PPP2R2B: variants seen among roughly 807,000 people sequenced by gnomAD.
The protein encoded by PPP2R2B is serine/threonine-protein phosphatase 2A 55 kDa regulatory subunit B beta isoform.
In PPP2R2B, 5 loss-of-function variants were observed where a neutral mutation model predicts 46.0. That is an observed-to-expected ratio of 0.11 (90% CI 0.06 to 0.23). The LOEUF (loss-of-function observed/expected upper bound fraction) is 0.23. PPP2R2B is among the 10% of genes least tolerant of loss of function. The probability of loss-of-function intolerance (pLI) is 1.00; values close to 1 mark genes in which losing one functional copy is unlikely to be tolerated. For synonymous variants in PPP2R2B, 215 were observed against 206.7 expected, an observed-to-expected ratio of 1.04 and a Z score of -0.34; for missense variants, 367 against 575.0, an observed-to-expected ratio of 0.64 and a Z score of 3.70.
At chr5:146,767,152 T>C (rs1199425571) in intron 2 of PPP2R2B, among the ~76,000 whole-genome samples, 1 of 150,698 alleles carries the variant, frequency 6.6e-6, no homozygotes, top group Non-Finnish European at 1.5e-5. Context: ...CTTCACTAAA[T>C]GTTTAGGCCA....
chr5:146,937,410 C>T (rs956786025), intron 1 of PPP2R2B, among the ~76,000 whole-genome samples: 3 of 152,040 alleles, frequency 2.0e-5, no homozygotes, highest in South Asian at 2.1e-4. Context: ...CTTTATGTCA[C>T]GCTACCTCCA....
At chr5:146,892,388 C>G (rs1762516528) in intron 1 of PPP2R2B, among the ~76,000 whole-genome samples, 1 of 152,184 alleles carries the variant, frequency 6.6e-6, no homozygotes, top group African/African-American at 2.4e-5. Flanking sequence ...TTCCTGTAAA[C>G]CCTTCCCTAG....
intron 1 of PPP2R2B, among the ~76,000 whole-genome samples, chr5:146,906,384 G>C (rs966623390): frequency 6.6e-6 from 1 of 152,070 alleles, no homozygotes; most frequent in East Asian, 1.9e-4. Context: ...GTGCAATGGC[G>C]CGATCTCGGC....
chr5:146,671,575 T>A (rs561066856), intron 5 of PPP2R2B, among the ~76,000 whole-genome samples: 2 of 152,330 alleles, frequency 1.3e-5, no homozygotes, highest in African/African-American at 4.8e-5. Flanking sequence ...TGCCACTCCA[T>A]CAAACACATT....
chr5:146,869,558 A>C (rs866682505), intron 2 of PPP2R2B, among the ~76,000 whole-genome samples: 13 of 152,212 alleles, frequency 8.5e-5, no homozygotes, highest in Admixed American at 2.6e-4. Context: ...GTACTCATTT[A>C]TGCAAACATC....
chr5:146,788,112 T>C (rs2151290960), intron 2 of PPP2R2B, among the ~76,000 whole-genome samples: 1 of 152,250 alleles, frequency 6.6e-6, no homozygotes, highest in South Asian at 2.1e-4. Flanking sequence ...TGCCGTTGTG[T>C]GAGCATTTGC....
chr5:146,938,416 C>A (rs936203762), intron 1 of PPP2R2B, among the ~76,000 whole-genome samples: 13 of 147,086 alleles, frequency 8.8e-5, no homozygotes, highest in African/African-American at 3.4e-4. Context: ...ATTTGCCCAA[C>A]AACCTAAGCC....
intron 2 of PPP2R2B, among the ~76,000 whole-genome samples, chr5:146,767,979 T>C (rs952633911): frequency 6.6e-6 from 1 of 152,176 alleles, no homozygotes; most frequent in Non-Finnish European, 1.5e-5. Flanking sequence ...TTTAAAACAA[T>C]TACCTGAGGT....
chr5:146,821,150 A>G (rs921297591), intron 2 of PPP2R2B, among the ~76,000 whole-genome samples: 2 of 152,072 alleles, frequency 1.3e-5, no homozygotes, highest in Non-Finnish European at 2.9e-5. Flanking sequence ...CACACACAAT[A>G]CACAATCTCC....
intron 2 of PPP2R2B, among the ~76,000 whole-genome samples, chr5:146,877,373 G>A (rs1460774399): frequency 6.6e-6 from 1 of 152,036 alleles, no homozygotes; most frequent in Non-Finnish European, 1.5e-5. Context: ...ATTTTTAAAG[G>A]CCCCACCGAT....
At chr5:147,059,143 A>G (rs1757180804), upstream of PPP2R2B, among the ~76,000 whole-genome samples, 2 of 152,188 alleles carry the variant, frequency 1.3e-5, no homozygotes, top group African/African-American at 4.8e-5. Flanking sequence ...GATATGAGAT[A>G]CCACCCCTGC....
At chr5:147,013,014 C>T (rs1362942509) in intron 1 of PPP2R2B, among the ~76,000 whole-genome samples, 9 of 151,726 alleles carry the variant, frequency 5.9e-5, no homozygotes, top group African/African-American at 1.7e-4. Flanking sequence ...TCTCCTTAAG[C>T]TGATAAGCAA....
rs149190051 is a variant in PPP2R2B, at chr5:146,956,950, A to G, written c.79+98715T>C. Among the ~76,000 whole-genome samples, 28 of 152,284 alleles carry G rather than the reference A, an allele frequency of 1.8e-4. No homozygotes were observed. In the East Asian group the frequency reaches 5.2e-3, roughly 28 times the overall value. On this transcript the variant is annotated intron_variant, in intron 1 of 8. Coordinates refer to the PPP2R2B transcript ENST00000336640. Reference sequence around the variant, plus strand: ...TCTTCATGGCCTCATCACCTCCCAAAGGTCCATCTCTTAATACCATCGCTT... The same window carrying G: ...TCTTCATGGCCTCATCACCTCCCAAGGGTCCATCTCTTAATACCATCGCTT...
At chr5:146,641,695 C>A (rs187967204) in intron 6 of PPP2R2B, among the ~76,000 whole-genome samples, 1 of 152,030 alleles carries the variant, frequency 6.6e-6, no homozygotes, top group East Asian at 1.9e-4. Context: ...CTCTAGAAAC[C>A]CAGGCATTTT....
intron 1 of PPP2R2B, among the ~76,000 whole-genome samples, chr5:146,941,518 T>C (rs1346780019): frequency 1.3e-5 from 2 of 152,060 alleles, no homozygotes; most frequent in African/African-American, 4.8e-5. Flanking sequence ...TGCTTAGGGG[T>C]GTGTTCAGAA....
chr5:146,687,929 G>C (rs987496522), intron 5 of PPP2R2B, among the ~76,000 whole-genome samples: 9 of 152,090 alleles, frequency 5.9e-5, no homozygotes, highest in Admixed American at 4.6e-4. Context: ...ACAGGGAAGG[G>C]AAAAAAAGAC....
chr5:146,965,492 C>T (rs900441482), intron 1 of PPP2R2B, among the ~76,000 whole-genome samples: 1 of 151,954 alleles, frequency 6.6e-6, no homozygotes, highest in Admixed American at 6.6e-5. Context: ...TTTTTTAATC[C>T]GTGAAAAAGA....
chr5:146,912,505 CTTTTTTCTT>C (rs1298402928), intron 1 of PPP2R2B, among the ~76,000 whole-genome samples: 2 of 110,502 alleles, frequency 1.8e-5, no homozygotes, highest in Admixed American at 1.8e-4. Flanking sequence ...TTCAACTTTT[CTTTTTTCTT>C]TTTTTTTTTT....
intron 1 of PPP2R2B, among the ~76,000 whole-genome samples, chr5:147,029,698 G>T (rs1755688702): frequency 6.6e-6 from 1 of 152,114 alleles, no homozygotes; most frequent in South Asian, 2.1e-4. Flanking sequence ...GATGCAATAG[G>T]ACTGGTATAC....
Sources: allele counts gnomAD v4.1 joint callset (sites outside exome capture counted in the v4.1 genomes callset), GRCh38; gene constraint gnomAD v4.1.1; transcripts MANE v1.5; gene names NCBI Gene and HGNC (gene_info 2026-07-23, HGNC 2026-07-21).